DAAM2: variants seen among roughly 807,000 people sequenced by gnomAD.
DAAM2 encodes the protein dishevelled associated activator of morphogenesis 2.
A neutral mutation model predicts 120.7 loss-of-function variants in DAAM2; 39 were observed. The ratio of observed to expected loss-of-function variants is 0.32; its 90% CI spans 0.25 to 0.42. The LOEUF (loss-of-function observed/expected upper bound fraction) is 0.42. Among genes scored for constraint, DAAM2 ranks in the 10% least tolerant of loss-of-function variants. DAAM2 has a pLI of 1.00. For synonymous variants in DAAM2, 488 were observed against 524.9 expected (o/e 0.93, Z 0.96); for missense variants, 1,283 against 1,401.7 (o/e 0.92, Z 1.35).
chr6:39,838,642 T>C (rs1245937141), intron 1 of DAAM2, among the ~76,000 whole-genome samples: 7 of 152,102 alleles, frequency 4.6e-5, no homozygotes, highest in African/African-American at 1.4e-4. Context: ...GTTCCTGTGA[T>C]TTGGGACTTT....
At chr6:39,792,996 TG>T (rs1761591999) in intron 1 of DAAM2, 1 of 152,338 alleles carries the variant, frequency 6.6e-6, no homozygotes, top group Non-Finnish European at 1.5e-5. Flanking sequence ...AGTGGGACCC[TG>T]GGCGGGGGAA....
chr6:39,830,174 G>T (rs1762825707), intron 1 of DAAM2, among the ~76,000 whole-genome samples: 1 of 152,206 alleles, frequency 6.6e-6, no homozygotes, highest in African/African-American at 2.4e-5. Context: ...GTTGTGGAGT[G>T]GATGCCCATG....
chr6:39,901,755 GC>G lies in DAAM2; in HGVS notation c.2983-55del. 7.0e-7 allele frequency: 1 copy of G among 1,428,844 alleles called. No homozygotes were observed. 88.5% of individuals were successfully genotyped at this position (1,428,844 alleles called of 1,614,324 possible). On this transcript the variant is annotated intron_variant, in intron 24 of 24. Transcript: ENST00000274867. This position sits in a 1 kb window ranked among gnomAD's most constrained non-coding sequence, Gnocchi z 4.5. ...GGAGTTAGCCCAGGGTTGGGGGGCT[GC>G]CCTGGCCTCAGCGCCTCTCCCTGAG...
intron 1 of DAAM2, among the ~76,000 whole-genome samples, chr6:39,800,315 T>C (rs1271492813): frequency 2.6e-5 from 4 of 152,190 alleles, no homozygotes; most frequent in African/African-American, 7.2e-5. Flanking sequence ...TTGTGTCTCC[T>C]GGGCCTGGGG....
Position 39,878,314 on chromosome 6 carries a change from C to T in DAAM2, c.1360+53C>T, listed in dbSNP as rs1764955524. 2.5e-6 allele frequency: 4 copies of T among 1,611,820 alleles called. No individual in the cohort carries two copies. Among genetic ancestry groups the T allele is most frequent in the Non-Finnish European group, 3.4e-6 (4 of 1,178,424 alleles). On this transcript the variant is annotated intron_variant, in intron 12 of 24. Transcript: ENST00000274867. The surrounding 1 kb of genome is among the most constrained non-coding windows in gnomAD (Gnocchi z 5.0). ...CCACTCCACATGCCCTTCCCCTGCC[C>T]AGCCCATAACTCCATGCCCTTCCAG...
chr6:39,843,562 T>G (rs753177984), intron 1 of DAAM2, among the ~76,000 whole-genome samples: 1 of 152,182 alleles, frequency 6.6e-6, no homozygotes, highest in Non-Finnish European at 1.5e-5. Flanking sequence ...CTGCATGATT[T>G]GCGGGCCCAG....
At chr6:39,797,402 T>G (rs1318083379) in intron 1 of DAAM2, among the ~76,000 whole-genome samples, 1 of 152,236 alleles carries the variant, frequency 6.6e-6, no homozygotes, top group Non-Finnish European at 1.5e-5. Context: ...CATATGAGAT[T>G]GATATTAACC....
At chr6:39,891,256 C>A in intron 17 of DAAM2, 85 bp from the exon 18 acceptor site, 1 of 1,087,458 alleles carries the variant, frequency 9.2e-7, no homozygotes. Context: ...CCCATCTTGA[C>A]CCAAGTCAGT....
intron 1 of DAAM2, among the ~76,000 whole-genome samples, chr6:39,842,278 C>T (rs550518730): frequency 1.6e-4 from 25 of 152,302 alleles, no homozygotes; most frequent in Admixed American, 9.2e-4. Context: ...CATTCCACTG[C>T]GCCAGGAGCT....
rs200248986 is a variant in DAAM2, at chr6:39,884,083, C to G, written c.1953+14C>G. ...CAGAGGCACCAGGTAAGACCCTATA[C>G]CCTCTGGCCTCTTGGACCATACCCT... is the stretch of plus-strand genomic sequence containing the variant. On this transcript the variant is annotated intron_variant, in intron 15 of 24. Coordinates refer to ENST00000274867, the MANE Select transcript of DAAM2 (RefSeq NM_001201427.2). The G allele has an allele frequency of 6.9e-5, 98 of 1,419,872 alleles. No homozygotes were observed. The highest frequency in any genetic ancestry group is 1.2e-4 in the Admixed American group (7 of 57,076). The allele number at this position is 1,419,872 out of a possible 1,614,324, so 88.0% of individuals were successfully genotyped here.
chr6:39,797,070 C>T (rs1022518527), intron 1 of DAAM2, among the ~76,000 whole-genome samples: 1 of 152,006 alleles, frequency 6.6e-6, no homozygotes, highest in Non-Finnish European at 1.5e-5. Flanking sequence ...AGATGGAGAC[C>T]CTTTATACAA....
chr6:39,898,517 T>G (rs1766263543), intron 21 of DAAM2, among the ~76,000 whole-genome samples: 1 of 152,226 alleles, frequency 6.6e-6, no homozygotes, highest in Non-Finnish European at 1.5e-5. Flanking sequence ...TGGTATCGAA[T>G]GCTATTGCTT....
chr6:39,879,322 G>A lies in DAAM2; in HGVS notation c.1690G>A (p.Gly564Arg). Residue 564 changes from glycine (G) to arginine (R), a missense_variant, in exon 14 of 25, where the codon GGA (glycine) becomes AGA (arginine). Physicochemically the swap from Gly to Arg is moderately radical, Grantham distance 125. This residue lies in a region of DAAM2 where 748 missense variants were observed against 768.6 expected (regional missense o/e 0.97). Coordinates refer to ENST00000274867, the MANE Select transcript of DAAM2 (RefSeq NM_001201427.2). ...PPPPPPLPPG[G>R]PPTPPGAPPC... ...CCCACCACCACCCCTTCCTCCCGGG[G>A]GACCCCCGACTCCCCCAGGTGCCCC... 1.3e-6 allele frequency: 2 copies of A among 1,594,136 alleles called. No homozygotes were observed. Among genetic ancestry groups the A allele is most frequent in the Non-Finnish European group, 8.6e-7 (1 of 1,166,296 alleles).
At position 39,847,132 on chromosome 6, in the gene DAAM2, T is replaced by C. The variant is rs73734918; in HGVS notation, c.-56-9115T>C. On this transcript the variant is annotated intron_variant, in intron 1 of 24. Coordinates refer to ENST00000274867, the MANE Select transcript of DAAM2 (RefSeq NM_001201427.2). ...GCCCCGGGGGCCAGGTGGGGCCATG[T>C]GCACAGGCCCTGCTGTGTTTCTAGG... Among the ~76,000 whole-genome samples, 457 of 152,336 alleles carry C rather than the reference T, an allele frequency of 3.0e-3. 1 individual carries two copies. Among genetic ancestry groups the C allele is most frequent in the African/African-American group, 9.7e-3 (402 of 41,572 alleles).
Position 39,856,308 on chromosome 6 carries a change from C to T in DAAM2, c.6C>T (p.Ala2=). 3 of 1,531,544 alleles carry T rather than the reference C, an allele frequency of 2.0e-6. No homozygotes were observed. The highest frequency in any genetic ancestry group is 1.3e-5 in the South Asian group (1 of 78,636). The allele number at this position is 1,531,544 out of a possible 1,614,324, so 94.9% of individuals were successfully genotyped here. M[A]PRKRSHHGLG... ...CCCCCTGGCCTGCAGTGACCATGGC[C>T]CCCCGCAAGAGGAGCCACCATGGCC... The change falls in exon 2 of 25, where the codon GCC becomes GCT. Residue 2 remains alanine, a synonymous_variant. Coordinates refer to ENST00000274867, the MANE Select transcript of DAAM2 (RefSeq NM_001201427.2).
At chr6:39,828,567 C>A (rs543209668) in intron 1 of DAAM2, among the ~76,000 whole-genome samples, 1 of 113,876 alleles carries the variant, frequency 8.8e-6, no homozygotes, top group Admixed American at 8.5e-5. Flanking sequence ...CACCCCCCTC[C>A]GTCTTTTTTT....
At position 39,869,015 on chromosome 6, in the gene DAAM2, T is replaced by C. The variant is rs923779704; in HGVS notation, c.873+82T>C. On this transcript the variant is annotated intron_variant, in intron 7 of 24. Transcript: ENST00000274867. ...GTGTGTGAGTGTGTTGCTTCCCCAA[T>C]AATTGTTTTTGCTATTAAACCTGGG... 7.5e-6 allele frequency: 8 copies of C among 1,062,686 alleles called. No homozygotes were observed. The African/African-American group carries it at 1.3e-4, about 17-fold the overall frequency. 65.8% of individuals were successfully genotyped at this position (1,062,686 alleles called of 1,614,324 possible).
chr6:39,874,851 A>G (rs1582715136), intron 10 of DAAM2, among the ~76,000 whole-genome samples: 1 of 152,072 alleles, frequency 6.6e-6, no homozygotes, highest in East Asian at 1.9e-4. Flanking sequence ...ACCCATTTTG[A>G]CTCTCAGTGC....
At position 39,879,431 on chromosome 6, in the gene DAAM2, A is replaced by G. The variant is rs139876341; in HGVS notation, c.1799A>G (p.Gln600Arg). Residue 600 changes from glutamine (Q) to arginine (R), a missense_variant, in exon 14 of 25, where the codon CAG (glutamine) becomes CGG (arginine). This residue lies in a region of DAAM2 where 748 missense variants were observed against 768.6 expected (regional missense o/e 0.97). Transcript: ENST00000274867. ...CCACTCAGGAAAAAGCGTGTCCCCC[A>G]GCCTTCTCACCCACTGAAGTCCTTC... Reference protein sequence around the residue: ...DVPLRKKRVPQPSHPLKSFNW... With the variant: ...DVPLRKKRVPRPSHPLKSFNW... The G allele has an allele frequency of 6.7e-4, 1,076 of 1,613,448 alleles. 21 individuals are homozygous for G. The East Asian group carries it at 0.017, about 25-fold the overall frequency.
Sources: gnomAD v4.1 joint callset for allele counts (sites outside exome capture counted in the v4.1 genomes callset) on GRCh38, gnomAD v4.1.1 for gene constraint, gnomAD v4.1.1 regional missense constraint, Gnocchi (gnomAD v3.1) non-coding constraint, MANE v1.5 for transcripts, NCBI Gene and HGNC (gene_info 2026-07-23, HGNC 2026-07-21) for gene names.